The following TLCD4 variants were observed in gnomAD, a reference collection of about 807,000 sequenced individuals.
TLCD4 encodes TLC domain containing 4.
Under a neutral mutation model 24.2 loss-of-function variants are expected in TLCD4, and 7 were observed. The ratio of observed to expected loss-of-function variants is 0.29; its 90% CI spans 0.16 to 0.54. TLCD4 has a LOEUF of 0.54. Among genes scored for constraint, TLCD4 ranks in the 20% least tolerant of loss-of-function variants. The pLI is 0.95. For synonymous variants in TLCD4, 103 were observed against 106.4 expected, an observed-to-expected ratio of 0.97 and a Z score of 0.20; for missense variants, 259 against 313.9, an observed-to-expected ratio of 0.82 and a Z score of 1.32.
chr1:95,133,118 A>G (rs1379756659), intron 1 of TLCD4, among the ~76,000 whole-genome samples: 8 of 152,118 alleles, frequency 5.3e-5, no homozygotes, highest in Admixed American at 3.3e-4. Flanking sequence ...ATGGAAAGAG[A>G]GGATTGAAGA....
In TLCD4 at chr1:95,117,577, A is replaced by C. The variant is rs892626794; in HGVS notation, c.-52A>C. On this transcript the variant is annotated 5_prime_UTR_variant, in exon 1 of 7. Coordinates refer to ENST00000370203, the MANE Select transcript of TLCD4 (RefSeq NM_152487.3). ...CCGCCGCCCTCTCCCGGCTCGGCGC[A>C]GCCGCCGCCCGCGCGCGACTCGCCC... The C allele has an allele frequency of 1.3e-5, 2 of 153,200 alleles. No individual in the cohort carries two copies. The highest frequency in any genetic ancestry group is 4.8e-5 in the African/African-American group (2 of 41,294). 9.5% of individuals were successfully genotyped at this position (153,200 alleles called of 1,614,324 possible).
At chr1:95,157,034 T>C (rs1677653179) in intron 5 of TLCD4, among the ~76,000 whole-genome samples, 2 of 152,226 alleles carry the variant, frequency 1.3e-5, no homozygotes, top group South Asian at 2.1e-4. Flanking sequence ...AAAAGCAATA[T>C]TGGAAGCAAT....
At chr1:95,160,298 T>G (rs1443865340) in intron 5 of TLCD4, among the ~76,000 whole-genome samples, 2 of 152,158 alleles carry the variant, frequency 1.3e-5, no homozygotes, top group Non-Finnish European at 2.9e-5. Context: ...CATGATTTGG[T>G]TCTCTGTTTG....
At chr1:95,122,287 G>A (rs915606962) in intron 1 of TLCD4, among the ~76,000 whole-genome samples, 2 of 152,174 alleles carry the variant, frequency 1.3e-5, no homozygotes, top group Non-Finnish European at 2.9e-5. Flanking sequence ...TTGAACCTGG[G>A]GGCAGAGGTT....
chr1:95,141,747 T>C (rs1677201971), intron 1 of TLCD4, among the ~76,000 whole-genome samples: 3 of 150,060 alleles, frequency 2.0e-5, no homozygotes, highest in Non-Finnish European at 4.4e-5. Flanking sequence ...GTAAAGTTAA[T>C]GGAGTCTCAT....
chr1:95,153,654 C>G (rs1677551306), intron 5 of TLCD4, among the ~76,000 whole-genome samples: 1 of 152,160 alleles, frequency 6.6e-6, no homozygotes, highest in South Asian at 2.1e-4. Flanking sequence ...AGTCAGACCA[C>G]ATCCAAGACC....
chr1:95,194,804 TG>T lies in TLCD4; in HGVS notation c.*2937del, dbSNP rs1679141744. 6.6e-6 allele frequency: 1 copy of T among 152,182 alleles called. No homozygotes were observed. The highest frequency in any genetic ancestry group is 1.5e-5 in the Non-Finnish European group (1 of 68,002). The allele number at this position is 152,182 out of a possible 1,614,324, so 9.4% of individuals were successfully genotyped here. A position where few individuals can be genotyped will look rare whatever the true frequency, so the allele number is the denominator to read the frequency against. ...ATTATGAGCTATAACTTATAAAGTT[TG>T]CCTTCTTATGTCTAAAATCTTTTAA... On this transcript the variant is annotated 3_prime_UTR_variant, in exon 7 of 7. Transcript: ENST00000370203.
intron 5 of TLCD4, among the ~76,000 whole-genome samples, chr1:95,160,009 G>T (rs1677740589): frequency 6.6e-6 from 1 of 152,116 alleles, no homozygotes; most frequent in African/African-American, 2.4e-5. Context: ...CATTCCATAT[G>T]AACTTTAAAG....
intron 1 of TLCD4, 58 bp from the exon 2 acceptor site, chr1:95,143,833 A>C: frequency 1.5e-6 from 2 of 1,306,242 alleles, no homozygotes; most frequent in South Asian, 3.1e-5. Context: ...TTAAAATAAA[A>C]AAATTACTCT....
At chr1:95,160,176 T>C (rs1677746940) in intron 5 of TLCD4, among the ~76,000 whole-genome samples, 1 of 152,238 alleles carries the variant, frequency 6.6e-6, no homozygotes, top group African/African-American at 2.4e-5. Flanking sequence ...TCCTCTTTTA[T>C]TTCCTTGAGC....
intron 2 of TLCD4, among the ~76,000 whole-genome samples, chr1:95,145,484 C>T (rs749939498): frequency 1.3e-5 from 2 of 151,910 alleles, no homozygotes; most frequent in Non-Finnish European, 2.9e-5. Context: ...AGAATTATTT[C>T]TCCACATATT....
At chr1:95,133,910 T>A (rs1445324850) in intron 1 of TLCD4, among the ~76,000 whole-genome samples, 1 of 151,638 alleles carries the variant, frequency 6.6e-6, no homozygotes, top group Non-Finnish European at 1.5e-5. Flanking sequence ...AAAGGGAATT[T>A]GGGTGTTAGA....
chr1:95,145,144 G>A (rs1464375475), intron 2 of TLCD4, among the ~76,000 whole-genome samples: 1 of 152,174 alleles, frequency 6.6e-6, no homozygotes, highest in Non-Finnish European at 1.5e-5. Flanking sequence ...ACCTCAGTGA[G>A]TCAGAGCAGC....
At chr1:95,176,209 T>TTG (rs1678420372) in intron 6 of TLCD4, among the ~76,000 whole-genome samples, 1 of 151,594 alleles carries the variant, frequency 6.6e-6, no homozygotes. Flanking sequence ...TTTTTTTTTT[T>TTG]TTGATGCAGT....
At chr1:95,151,483 G>A in intron 5 of TLCD4, 64 bp downstream of exon 5, 1 of 1,553,788 alleles carries the variant, frequency 6.4e-7, no homozygotes, top group Non-Finnish European at 8.7e-7. Flanking sequence ...ATGTAAAGGT[G>A]AACATAAATC....
chr1:95,133,718 G>A (rs1318488343), intron 1 of TLCD4, among the ~76,000 whole-genome samples: 1 of 151,958 alleles, frequency 6.6e-6, no homozygotes, highest in Non-Finnish European at 1.5e-5. Context: ...TGGTTGGAGT[G>A]GCAAATGGTT....
intron 5 of TLCD4, among the ~76,000 whole-genome samples, chr1:95,153,052 C>T (rs546448427): frequency 2.4e-4 from 37 of 151,846 alleles, no homozygotes; most frequent in Non-Finnish European, 4.7e-4. Flanking sequence ...TCCAAGCCCA[C>T]CATATTATTA....
chr1:95,147,330 TC>T (rs1175626072), intron 2 of TLCD4, among the ~76,000 whole-genome samples: 1 of 152,176 alleles, frequency 6.6e-6, no homozygotes, highest in Admixed American at 6.5e-5. Context: ...CACCTTGGCC[TC>T]CCAAAGTGCT....
chr1:95,136,833 G>T (rs1677055966), intron 1 of TLCD4, among the ~76,000 whole-genome samples: 1 of 152,182 alleles, frequency 6.6e-6, no homozygotes, highest in South Asian at 2.1e-4. Context: ...GCTGTTCCAG[G>T]TTGGAAGATG....
Sources: allele counts gnomAD v4.1 joint callset (sites outside exome capture counted in the v4.1 genomes callset), GRCh38; gene constraint gnomAD v4.1.1; transcripts MANE v1.5; gene names NCBI Gene and HGNC (gene_info 2026-07-23, HGNC 2026-07-21).